ADCY2: variants seen among roughly 807,000 people sequenced by gnomAD.
ADCY2 encodes the protein adenylate cyclase 2, also known as adenylate cyclase type 2.
ADCY2 carries 31 observed loss-of-function variants against 125.2 expected under a neutral mutation model. That is an observed-to-expected ratio of 0.25 (90% CI 0.19 to 0.33). ADCY2 has a LOEUF of 0.33. Ranked by LOEUF, ADCY2 falls within the 10% of genes least tolerant of loss-of-function variation. The pLI is 1.00. For missense variants in ADCY2, 904 were observed against 1,418.2 expected (o/e 0.64, Z 5.82); for synonymous variants, 512 against 548.4 (o/e 0.93, Z 0.93).
chr5:7,696,799 C>T (rs1740909085), intron 6 of ADCY2, among the ~76,000 whole-genome samples: 1 of 152,126 alleles, frequency 6.6e-6, no homozygotes, highest in Admixed American at 6.5e-5. Flanking sequence ...TTTTTGCCTT[C>T]TGTAGTTCCA....
chr5:7,607,316 T>A (rs1737412038), intron 3 of ADCY2, among the ~76,000 whole-genome samples: 4 of 152,248 alleles, frequency 2.6e-5, no homozygotes, highest in Non-Finnish European at 5.9e-5. Flanking sequence ...TCCCTCCACC[T>A]GAACTGTTTC....
chr5:7,656,796 C>T (rs1283162580), intron 4 of ADCY2, among the ~76,000 whole-genome samples: 2 of 152,152 alleles, frequency 1.3e-5, no homozygotes, highest in Admixed American at 6.5e-5. Flanking sequence ...GGTATAGTCC[C>T]TAGGAATGAA....
chr5:7,520,581 G>A (rs1331227287), intron 2 of ADCY2, among the ~76,000 whole-genome samples, 157 bp from the exon 3 acceptor site: 1 of 152,148 alleles, frequency 6.6e-6, no homozygotes, highest in South Asian at 2.1e-4. Context: ...TAATCCAGTG[G>A]ACTTATTTGC....
At chr5:7,551,230 A>T (rs1735329493) in intron 3 of ADCY2, among the ~76,000 whole-genome samples, 1 of 152,178 alleles carries the variant, frequency 6.6e-6, no homozygotes, top group South Asian at 2.1e-4. Flanking sequence ...GGCTCTAAAA[A>T]TCTTATTTGG....
In ADCY2 at chr5:7,550,531, G is replaced by T. The variant is rs1194475492; in HGVS notation, c.570+29632G>T. ...TTCTCTAGACATCTCTGTCAACTTTGGGATGACCAAGCCTGTTGTCAGGAC... is the reference window on the plus strand; with the variant it reads ...TTCTCTAGACATCTCTGTCAACTTTTGGATGACCAAGCCTGTTGTCAGGAC... On this transcript the variant is annotated intron_variant, in intron 3 of 24. Transcript: ENST00000338316. Among the ~76,000 whole-genome samples, 3 of 152,270 alleles carry T rather than the reference G, an allele frequency of 2.0e-5. No individual in the cohort carries two copies. The East Asian group carries it at 5.8e-4, about 29-fold the overall frequency.
intron 3 of ADCY2, among the ~76,000 whole-genome samples, chr5:7,587,699 T>C (rs1441527659): frequency 6.6e-6 from 1 of 152,208 alleles, no homozygotes; most frequent in African/African-American, 2.4e-5. Flanking sequence ...AAAGTTATAT[T>C]CAGAATGACA....
chr5:7,647,896 A>G (rs559470958), intron 4 of ADCY2, among the ~76,000 whole-genome samples: 2 of 152,292 alleles, frequency 1.3e-5, no homozygotes, highest in South Asian at 2.1e-4. Context: ...TTAAAGTATA[A>G]AGCAAAAGAA....
chr5:7,504,308 A>G (rs1383300739), intron 2 of ADCY2, among the ~76,000 whole-genome samples: 1 of 152,230 alleles, frequency 6.6e-6, no homozygotes, highest in Non-Finnish European at 1.5e-5. Flanking sequence ...ACAAACCCAA[A>G]TATCAAATGT....
At chr5:7,411,164 T>C (rs1027211457) in intron 1 of ADCY2, among the ~76,000 whole-genome samples, 3 of 152,144 alleles carry the variant, frequency 2.0e-5, no homozygotes, top group African/African-American at 7.2e-5. Flanking sequence ...ACAGAACAAA[T>C]TGGTGGCTGT....
intron 10 of ADCY2, among the ~76,000 whole-genome samples, chr5:7,711,954 A>G (rs530876570): frequency 4.6e-5 from 7 of 152,340 alleles, no homozygotes. Context: ...CATAAATCCC[A>G]GGGTCAAACA....
At chr5:7,754,064 C>T (rs1742911307) in intron 15 of ADCY2, among the ~76,000 whole-genome samples, 1 of 152,110 alleles carries the variant, frequency 6.6e-6, no homozygotes, top group Non-Finnish European at 1.5e-5. Flanking sequence ...CCTGTTGTGC[C>T]AAACCCATGT....
chr5:7,521,568 T>C (rs1254620247), intron 3 of ADCY2, among the ~76,000 whole-genome samples: 1 of 152,240 alleles, frequency 6.6e-6, no homozygotes, highest in African/African-American at 2.4e-5. Flanking sequence ...TAATTTGCTC[T>C]GTGGAGATCA....
At chr5:7,683,492 C>T (rs1227591183) in intron 4 of ADCY2, among the ~76,000 whole-genome samples, 2 of 152,176 alleles carry the variant, frequency 1.3e-5, no homozygotes, top group East Asian at 3.9e-4. Context: ...CACTTTGCAC[C>T]ATGAATGGGA....
chr5:7,608,922 C>T, intron 3 of ADCY2, among the ~76,000 whole-genome samples: 1 of 152,184 alleles, frequency 6.6e-6, no homozygotes, highest in East Asian at 1.9e-4. Flanking sequence ...CTAGACAGTG[C>T]CATTTTTCCC....
At chr5:7,664,927 T>C (rs1053424095) in intron 4 of ADCY2, among the ~76,000 whole-genome samples, 10 of 152,190 alleles carry the variant, frequency 6.6e-5, no homozygotes, top group Non-Finnish European at 1.3e-4. Context: ...TCAGATAAAC[T>C]CAAACCAATT....
chr5:7,412,304 A>C (rs1355730806), intron 1 of ADCY2, among the ~76,000 whole-genome samples: 2 of 152,220 alleles, frequency 1.3e-5, no homozygotes, highest in Admixed American at 6.5e-5. Context: ...TGACTGGAAA[A>C]AAAAGTCATA....
chr5:7,468,597 T>G (rs551677176), intron 2 of ADCY2, among the ~76,000 whole-genome samples: 1 of 152,312 alleles, frequency 6.6e-6, no homozygotes, highest in Non-Finnish European at 1.5e-5. Context: ...CACAAAAGTT[T>G]GTTAGCTGAA....
intron 4 of ADCY2, among the ~76,000 whole-genome samples, chr5:7,659,527 A>C (rs1245598730): frequency 6.6e-6 from 1 of 152,150 alleles, no homozygotes; most frequent in Non-Finnish European, 1.5e-5. Context: ...ACCTCTAGCA[A>C]TTGGTGTTGA....
At chr5:7,694,226 C>A (rs778816146) in intron 5 of ADCY2, among the ~76,000 whole-genome samples, 2 of 152,222 alleles carry the variant, frequency 1.3e-5, no homozygotes, top group Non-Finnish European at 2.9e-5. Context: ...CCTGCTCTGG[C>A]TGAGACCCTG....
Sources: allele counts gnomAD v4.1 joint callset (sites outside exome capture counted in the v4.1 genomes callset), GRCh38; gene constraint gnomAD v4.1.1; transcripts MANE v1.5; gene names NCBI Gene and HGNC (gene_info 2026-07-23, HGNC 2026-07-21).